CDC73: variants seen among roughly 807,000 people sequenced by gnomAD.
The protein encoded by CDC73 is cell division cycle 73, also known as parafibromin.
CDC73 carries 21 observed loss-of-function variants against 83.7 expected under a neutral mutation model. That is an observed-to-expected ratio of 0.25 (90% confidence interval 0.18 to 0.36). CDC73 has a LOEUF of 0.36. CDC73 is among the 10% of genes least tolerant of loss of function. The pLI, the probability that CDC73 is intolerant of heterozygous loss-of-function variation, is 1.00. For missense variants in CDC73, 342 were observed against 653.3 expected, an observed-to-expected ratio of 0.52 and a Z score of 5.19; for synonymous variants, 224 against 212.9, an observed-to-expected ratio of 1.05 and a Z score of -0.45.
intron 3 of CDC73, among the ~76,000 whole-genome samples, chr1:193,134,245 C>A (rs1558281763): frequency 6.6e-6 from 1 of 151,892 alleles, no homozygotes; most frequent in Non-Finnish European, 1.5e-5. Context: ...AAACTTGTGA[C>A]TTTATATTAA....
intron 10 of CDC73, among the ~76,000 whole-genome samples, chr1:193,174,266 C>A (rs985919575): frequency 6.6e-6 from 1 of 151,848 alleles, no homozygotes; most frequent in Non-Finnish European, 1.5e-5. Context: ...AGACTGATTC[C>A]TTCTCATAAT....
chr1:193,201,148 A>G (rs1215724778), intron 10 of CDC73, among the ~76,000 whole-genome samples: 1 of 152,184 alleles, frequency 6.6e-6, no homozygotes, highest in Non-Finnish European at 1.5e-5. Context: ...GACCTTGGCA[A>G]CTGAAATTTT....
intron 11 of CDC73, among the ~76,000 whole-genome samples, chr1:193,208,637 C>T (rs897282084): frequency 2.0e-5 from 3 of 152,208 alleles, no homozygotes; most frequent in Non-Finnish European, 2.9e-5. Flanking sequence ...AAAATCTTTT[C>T]ACTTTCTGGC....
chr1:193,166,953 G>C (rs1427809060), intron 10 of CDC73, among the ~76,000 whole-genome samples: 1 of 152,052 alleles, frequency 6.6e-6, no homozygotes, highest in African/African-American at 2.4e-5. Flanking sequence ...TTGGGTGTGA[G>C]GGAACATTTT....
intron 1 of CDC73, among the ~76,000 whole-genome samples, chr1:193,124,630 A>G (rs1423303651): frequency 2.6e-5 from 4 of 152,260 alleles, no homozygotes; most frequent in Admixed American, 6.5e-5. Context: ...GAGGGATGCC[A>G]TAACAGTCAT....
In CDC73 at chr1:193,251,263, G is replaced by A. The variant is rs1303025334; in HGVS notation, c.*551G>A. On this transcript the variant is annotated 3_prime_UTR_variant, in exon 17 of 17. Transcript: ENST00000367435. ...TCTAGATCAATTCTTCAATTTGATT[G>A]AACTGTTCAGCCTTTTCAAGATTTC... 1 of 232,238 alleles carries A rather than the reference G, an allele frequency of 4.3e-6. No individual in the cohort carries two copies. The highest frequency in any genetic ancestry group is 2.2e-5 in the African/African-American group (1 of 45,220). The allele number at this position is 232,238 out of a possible 1,614,324, so 14.4% of individuals were successfully genotyped here.
rs768821497 is a variant in CDC73, at chr1:193,135,604, T to A, written c.423+15T>A. On this transcript the variant is annotated intron_variant, in intron 5 of 16. Coordinates refer to ENST00000367435, the MANE Select transcript of CDC73 (RefSeq NM_024529.5). ...CACGAATTGAGGTAAAGAAACTGTA[T>A]TTTAAACAATTTTATTTATATTGTT... 13 of 1,557,146 alleles carry A rather than the reference T, an allele frequency of 8.3e-6. No homozygotes were observed. Among genetic ancestry groups the A allele is most frequent in the Non-Finnish European group, 1.1e-5 (13 of 1,132,498 alleles).
At chr1:193,225,130 G>A (rs187293005) in intron 13 of CDC73, among the ~76,000 whole-genome samples, 5 of 151,294 alleles carry the variant, frequency 3.3e-5, no homozygotes, top group Admixed American at 6.6e-5. Flanking sequence ...GAGATCATTC[G>A]ATGTTTGGTT....
chr1:193,250,664 T>TA lies in CDC73; in HGVS notation c.1560-11dup. The stretch of plus-strand genomic sequence containing the variant: ...CTATAGTCATTATAACCTACCATAA[T>TA]ATTTTTTTCAGGTACATGGTAAAGC... On this transcript the variant is annotated splice_polypyrimidine_tract_variant and intron_variant, in intron 16 of 16. Transcript: ENST00000367435. The TA allele has an allele frequency of 6.3e-7, 1 of 1,593,398 alleles. No homozygotes were observed. Among genetic ancestry groups the TA allele is most frequent in the Non-Finnish European group, 8.6e-7 (1 of 1,162,178 alleles).
intron 5 of CDC73, among the ~76,000 whole-genome samples, chr1:193,136,024 A>G (rs1005695184): frequency 2.6e-5 from 4 of 151,786 alleles, no homozygotes; most frequent in Admixed American, 2.0e-4. Context: ...GCCTGCCACC[A>G]TGCCCAGTTA....
intron 11 of CDC73, among the ~76,000 whole-genome samples, chr1:193,205,619 GTTATAC>G (rs975652402): frequency 6.6e-6 from 1 of 152,066 alleles, no homozygotes; most frequent in Non-Finnish European, 1.5e-5. Context: ...TGTCAGCCTT[GTTATAC>G]TTAGACTAGA....
At chr1:193,224,505 G>A (rs1011410471) in intron 13 of CDC73, among the ~76,000 whole-genome samples, 1 of 150,720 alleles carries the variant, frequency 6.6e-6, no homozygotes, top group African/African-American at 2.4e-5. Flanking sequence ...TATGAAATAT[G>A]CATTCACATA....
rs1677759050 is a variant in CDC73 at position 193,236,425 on chromosome 1, A to C, written c.1417+69A>C. 3 of 998,000 alleles carry C rather than the reference A, an allele frequency of 3.0e-6. No individual in the cohort carries two copies. In the East Asian group the frequency reaches 7.1e-5, roughly 24 times the overall value. 61.8% of individuals were successfully genotyped at this position (998,000 alleles called of 1,614,324 possible). On this transcript the variant is annotated intron_variant, in intron 15 of 16. Coordinates refer to ENST00000367435, the MANE Select transcript of CDC73 (RefSeq NM_024529.5). ...CTCACTTTATTTAAGAGAAACAGTCATATAGTTCTGCGCATATGATGTGTA... is the reference window on the plus strand; with the variant it reads ...CTCACTTTATTTAAGAGAAACAGTCCTATAGTTCTGCGCATATGATGTGTA...
chr1:193,233,168 T>C lies in CDC73; in HGVS notation c.1316+14T>C. On this transcript the variant is annotated intron_variant, in intron 14 of 16. Transcript: ENST00000367435. ...GCCTCAAGACTGGTAAGATAGTCTCTATATATATATCTTTTCACAGGTGTT... is the reference window on the plus strand; with the variant it reads ...GCCTCAAGACTGGTAAGATAGTCTCCATATATATATCTTTTCACAGGTGTT... 2 of 1,571,680 alleles carry C rather than the reference T, an allele frequency of 1.3e-6. No individual in the cohort carries two copies. The highest frequency in any genetic ancestry group is 1.7e-6 in the Non-Finnish European group (2 of 1,142,922).
chr1:193,122,705 G>T, intron 1 of CDC73: 1 of 177,820 alleles, frequency 5.6e-6, no homozygotes, highest in South Asian at 1.2e-4. Flanking sequence ...GCCTCTTTTT[G>T]TTCTTTATTT....
Position 193,254,059 on chromosome 1 carries a change from T to C in CDC73, c.*3347T>C, listed in dbSNP as rs1678091780. 6.6e-6 allele frequency among the ~76,000 whole-genome samples: 1 copy of C among 151,992 alleles called. No homozygotes were observed. Among genetic ancestry groups the C allele is most frequent in the African/African-American group, 2.4e-5 (1 of 41,446 alleles). ...TCAAATTAATGGCTTAGAAAGTAGC[T>C]GTAAACTTTGTGTTTTGAAATTGCT... On this transcript the variant is annotated 3_prime_UTR_variant, in exon 17 of 17. Transcript: ENST00000367435.
intron 10 of CDC73, among the ~76,000 whole-genome samples, chr1:193,163,755 A>C (rs1285386643): frequency 6.6e-6 from 1 of 152,036 alleles, no homozygotes; most frequent in Non-Finnish European, 1.5e-5. Flanking sequence ...TTTAAACATC[A>C]GTGTAAAAAG....
At chr1:193,147,221 T>C (rs1676016479) in intron 7 of CDC73, among the ~76,000 whole-genome samples, 1 of 151,948 alleles carries the variant, frequency 6.6e-6, no homozygotes, top group Non-Finnish European at 1.5e-5. Flanking sequence ...CTCAATCTCC[T>C]GACCTCATGA....
chr1:193,171,863 T>A (rs1487418893), intron 10 of CDC73, among the ~76,000 whole-genome samples: 7 of 152,162 alleles, frequency 4.6e-5, no homozygotes, highest in Non-Finnish European at 1.0e-4. Context: ...GAAAAAAAGA[T>A]GTATTTGTTA....
Sources: gnomAD v4.1 joint callset for allele counts (sites outside exome capture counted in the v4.1 genomes callset) on GRCh38, gnomAD v4.1.1 for gene constraint, MANE v1.5 for transcripts, NCBI Gene and HGNC (gene_info 2026-07-23, HGNC 2026-07-21) for gene names.